Variants in XKR4 observed in about 807,000 individuals in gnomAD.
XKR4 encodes the protein XK-related protein 4.
In XKR4, 12 loss-of-function variants were observed where a neutral mutation model predicts 53.9. The ratio of observed to expected loss-of-function variants is 0.22; its 90% CI spans 0.14 to 0.36. The LOEUF is 0.36. Among genes scored for constraint, XKR4 ranks in the 10% least tolerant of loss-of-function variants. The pLI is 1.00. For missense variants in XKR4, 799 were observed against 859.5 expected, an observed-to-expected ratio of 0.93 and a Z score of 0.88; for synonymous variants, 354 against 362.4, an observed-to-expected ratio of 0.98 and a Z score of 0.26.
chr8:55,425,002 A>C (rs1180526465), intron 2 of XKR4, among the ~76,000 whole-genome samples: 1 of 152,224 alleles, frequency 6.6e-6, no homozygotes, highest in Non-Finnish European at 1.5e-5. Context: ...AAACTGGAAC[A>C]TCTAAATCTC....
rs551597889 is a variant in XKR4 at position 55,480,382 on chromosome 8, G to C, written c.1007-42899G>C. On this transcript the variant is annotated intron_variant, in intron 2 of 2. Coordinates refer to ENST00000327381, the MANE Select transcript of XKR4 (RefSeq NM_052898.2). ...CATGCTAAAAACTCTCAATTAATTA[G>C]GTATTGTTGGGACGTATCTCAAAAT... 3.9e-5 allele frequency among the ~76,000 whole-genome samples: 6 copies of C among 152,254 alleles called. No individual in the cohort carries two copies. The East Asian group carries it at 9.6e-4, about 24-fold the overall frequency.
chr8:55,406,244 C>A lies in XKR4; in HGVS notation c.1006+48367C>A, dbSNP rs577972493. On this transcript the variant is annotated intron_variant, in intron 2 of 2. Transcript: ENST00000327381. ...GATCTATATGGTGCAGTTATTGAAGCCTAAGTGCTCCCTAGTTGCATCTTT... is the reference window on the plus strand; with the variant it reads ...GATCTATATGGTGCAGTTATTGAAGACTAAGTGCTCCCTAGTTGCATCTTT... 4.1e-4 allele frequency among the ~76,000 whole-genome samples: 63 copies of A among 152,298 alleles called. 1 individual carries two copies. The highest frequency in any genetic ancestry group is 1.4e-3 in the African/African-American group (60 of 41,562).
intron 2 of XKR4, among the ~76,000 whole-genome samples, chr8:55,360,236 G>T (rs1306849929): frequency 6.6e-6 from 1 of 152,174 alleles, no homozygotes. Flanking sequence ...AGTAAAAAAC[G>T]ACAGACCCTC....
chr8:55,414,686 A>T (rs1208987041), intron 2 of XKR4, among the ~76,000 whole-genome samples: 2 of 152,054 alleles, frequency 1.3e-5, no homozygotes, highest in African/African-American at 4.8e-5. Flanking sequence ...GGACCATTTA[A>T]GAGGCAGCTG....
chr8:55,131,210 C>G (rs897661103), intron 1 of XKR4, among the ~76,000 whole-genome samples: 1 of 130,554 alleles, frequency 7.7e-6, no homozygotes, highest in Non-Finnish European at 1.7e-5. Flanking sequence ...AGCCACGCCT[C>G]AAATCCATTA....
intron 2 of XKR4, among the ~76,000 whole-genome samples, chr8:55,415,626 T>C (rs548137208): frequency 1.3e-5 from 2 of 152,320 alleles, no homozygotes; most frequent in South Asian, 2.1e-4. Context: ...TTAAACTCCT[T>C]CGAAGCCACT....
rs537943565 is a variant in XKR4, at chr8:55,357,707, G to A, written c.836G>A (p.Arg279Gln). The stretch of plus-strand genomic sequence containing the variant: ...TTCCACACAATATACTTAGGTATTC[G>A]AAGCCGACAGAGTGGGGAGAATGAC... ...RYFHTIYLGIRSRQSGENDRW... is the reference protein window; with the variant it reads ...RYFHTIYLGIQSRQSGENDRW... The change falls in exon 2 of 3, where the codon CGA becomes CAA. Residue 279 changes from arginine to glutamine, a missense_variant. By Grantham distance (43) the Arg-to-Gln change is conservative. Transcript: ENST00000327381. 18 of 1,614,100 alleles carry A rather than the reference G, an allele frequency of 1.1e-5. No homozygotes were observed. Among genetic ancestry groups the A allele is most frequent in the South Asian group, 4.4e-5 (4 of 91,080 alleles).
intron 2 of XKR4, among the ~76,000 whole-genome samples, chr8:55,378,193 A>G (rs1347472883): frequency 2.0e-5 from 3 of 152,230 alleles, no homozygotes; most frequent in African/African-American, 4.8e-5. Context: ...AATTTAGAGA[A>G]ACAAAGAATT....
intron 1 of XKR4, among the ~76,000 whole-genome samples, chr8:55,304,445 G>A (rs1819260501): frequency 6.6e-6 from 1 of 152,154 alleles, no homozygotes; most frequent in Non-Finnish European, 1.5e-5. Context: ...AATAGGTGTG[G>A]TGTGGTGCTG....
chr8:55,507,231 G>A (rs1806546684), intron 2 of XKR4, among the ~76,000 whole-genome samples: 1 of 152,102 alleles, frequency 6.6e-6, no homozygotes, highest in African/African-American at 2.4e-5. Flanking sequence ...TAAACCCAGA[G>A]TTTTTATTGA....
At chr8:55,336,020 A>C (rs2129381365) in intron 1 of XKR4, among the ~76,000 whole-genome samples, 1 of 149,730 alleles carries the variant, frequency 6.7e-6, no homozygotes, top group East Asian at 2.0e-4. Context: ...ATGTTATAAA[A>C]AATTTTATGC....
intron 2 of XKR4, among the ~76,000 whole-genome samples, chr8:55,507,590 C>T (rs1435109057): frequency 2.0e-5 from 3 of 152,112 alleles, no homozygotes; most frequent in Non-Finnish European, 4.4e-5. Context: ...TGAGTGAGAA[C>T]ATGTGGTATT....
At chr8:55,417,402 T>G (rs1290183545) in intron 2 of XKR4, among the ~76,000 whole-genome samples, 1 of 152,244 alleles carries the variant, frequency 6.6e-6, no homozygotes, top group African/African-American at 2.4e-5. Context: ...AAGGGTACAG[T>G]CGAATCTGAT....
At chr8:55,307,873 A>G (rs1819327318) in intron 1 of XKR4, among the ~76,000 whole-genome samples, 1 of 152,178 alleles carries the variant, frequency 6.6e-6, no homozygotes, top group Admixed American at 6.5e-5. Context: ...TGGTAGAGCC[A>G]CTCTAGCAAA....
intron 1 of XKR4, among the ~76,000 whole-genome samples, chr8:55,317,650 G>A (rs1288097663): frequency 6.6e-6 from 1 of 152,196 alleles, no homozygotes; most frequent in African/African-American, 2.4e-5. Context: ...TCCATGCTAG[G>A]CCCAGGCAGT....
At chr8:55,474,621 T>C (rs1218823823) in intron 2 of XKR4, among the ~76,000 whole-genome samples, 2 of 152,112 alleles carry the variant, frequency 1.3e-5, no homozygotes, top group East Asian at 3.9e-4. Flanking sequence ...ATTGGGGGCA[T>C]TTAAGTTATT....
At chr8:55,370,960 C>T (rs1025645094) in intron 2 of XKR4, among the ~76,000 whole-genome samples, 1 of 151,750 alleles carries the variant, frequency 6.6e-6, no homozygotes, top group Admixed American at 6.6e-5. Flanking sequence ...AAGACACAGC[C>T]CCCTGCTCTC....
At chr8:55,414,050 C>A (rs1336805630) in intron 2 of XKR4, among the ~76,000 whole-genome samples, 1 of 152,084 alleles carries the variant, frequency 6.6e-6, no homozygotes, top group Non-Finnish European at 1.5e-5. Context: ...TATAAAATTC[C>A]TTCATCATAA....
intron 1 of XKR4, among the ~76,000 whole-genome samples, chr8:55,189,928 T>A (rs901819919): frequency 3.3e-5 from 5 of 152,212 alleles, no homozygotes; most frequent in Admixed American, 6.5e-5. Flanking sequence ...CTAAGCCATA[T>A]GCTTTATTCC....
Sources: allele counts gnomAD v4.1 joint callset (sites outside exome capture counted in the v4.1 genomes callset), GRCh38; gene constraint gnomAD v4.1.1; transcripts MANE v1.5; gene names NCBI Gene and HGNC (gene_info 2026-07-23, HGNC 2026-07-21).